The following HS6ST3 variants were observed in gnomAD, a reference collection of about 807,000 sequenced individuals.
The protein encoded by HS6ST3 is heparan sulfate 6-O-sulfotransferase 3, also known as heparan-sulfate 6-O-sulfotransferase 3.
A neutral mutation model predicts 36.7 loss-of-function variants in HS6ST3; 12 were observed. The observed-to-expected ratio is 0.33, with a 90% CI of 0.21 to 0.53. HS6ST3 has a LOEUF of 0.53. HS6ST3 is among the 20% of genes least tolerant of loss of function. The pLI is 0.95. For synonymous variants in HS6ST3, 240 were observed against 257.5 expected, an observed-to-expected ratio of 0.93 and a Z score of 0.65; for missense variants, 584 against 640.9, an observed-to-expected ratio of 0.91 and a Z score of 0.96.
Position 96,369,444 on chromosome 13 carries a change from C to T in HS6ST3, c.707+277875C>T, listed in dbSNP as rs148875545. ...GGTATTCTTAACAGCTGTCTGAGGA[C>T]ACCGTGTGAGTATAATTGGGGATCC... On this transcript the variant is annotated intron_variant, in intron 1 of 1. Transcript: ENST00000376705. Among the ~76,000 whole-genome samples, 5 of 152,298 alleles carry T rather than the reference C, an allele frequency of 3.3e-5. No homozygotes were observed. In the East Asian group the frequency reaches 9.7e-4, roughly 29 times the overall value.
At chr13:96,230,259 A>G (rs918888548) in intron 1 of HS6ST3, among the ~76,000 whole-genome samples, 1 of 152,150 alleles carries the variant, frequency 6.6e-6, no homozygotes, top group Non-Finnish European at 1.5e-5. Flanking sequence ...CAGGGAAACA[A>G]GAGCCCATCA....
intron 1 of HS6ST3, among the ~76,000 whole-genome samples, chr13:96,405,994 A>G (rs2055476519): frequency 1.3e-5 from 2 of 152,312 alleles, no homozygotes; most frequent in South Asian, 4.1e-4. Context: ...AAGACTTTGG[A>G]GAATGCTTTT....
intron 1 of HS6ST3, among the ~76,000 whole-genome samples, chr13:96,631,346 G>A (rs72643809): frequency 0.013 from 1,984 of 152,232 alleles, 18 homozygotes; most frequent in Non-Finnish European, 0.02. Context: ...GCAGCCTATG[G>A]TGCTGTTTAG....
intron 1 of HS6ST3, among the ~76,000 whole-genome samples, chr13:96,132,410 CTT>C (rs757928866): frequency 2.1e-5 from 3 of 143,982 alleles, no homozygotes; most frequent in African/African-American, 5.1e-5. Flanking sequence ...TTTTCTTTTT[CTT>C]TTTTTTTTTT....
chr13:96,447,845 G>C (rs1323700887), intron 1 of HS6ST3, among the ~76,000 whole-genome samples: 1 of 152,054 alleles, frequency 6.6e-6, no homozygotes, highest in African/African-American at 2.4e-5. Flanking sequence ...CTCTGTACAG[G>C]GAGCTTCTTC....
chr13:96,797,900 G>A (rs1036047947), intron 1 of HS6ST3, among the ~76,000 whole-genome samples: 17 of 151,992 alleles, frequency 1.1e-4, no homozygotes, highest in South Asian at 4.2e-4. Flanking sequence ...CAGATCCCAC[G>A]GGTTGAGGGC....
intron 1 of HS6ST3, among the ~76,000 whole-genome samples, chr13:96,701,147 C>A (rs1875274979): frequency 6.6e-6 from 1 of 152,198 alleles, no homozygotes; most frequent in Non-Finnish European, 1.5e-5. Flanking sequence ...ATTGATCTGT[C>A]AATCAAAATT....
At chr13:96,613,643 A>G (rs1249009800) in intron 1 of HS6ST3, among the ~76,000 whole-genome samples, 1 of 152,236 alleles carries the variant, frequency 6.6e-6, no homozygotes, top group African/African-American at 2.4e-5. Context: ...CCTTGTAAGA[A>G]TATCATTTAA....
chr13:96,468,182 T>C (rs532996110), intron 1 of HS6ST3, among the ~76,000 whole-genome samples: 2 of 152,310 alleles, frequency 1.3e-5, no homozygotes, highest in African/African-American at 4.8e-5. Flanking sequence ...GCTGTACATG[T>C]TCCCAAATAA....
rs911971949 is a variant in HS6ST3 at position 96,151,516 on chromosome 13, C to T, written c.707+59947C>T. Among the ~76,000 whole-genome samples the T allele has an allele frequency of 2.0e-5, 3 of 151,986 alleles. No individual in the cohort carries two copies. The East Asian group carries it at 5.8e-4, about 29-fold the overall frequency. ...TAGATGGATATACGCACAGTGTCAA[C>T]AGTGGTTATCTTTTGGTGGAGAGAT... is the stretch of plus-strand genomic sequence containing the variant. On this transcript the variant is annotated intron_variant, in intron 1 of 1. Coordinates refer to ENST00000376705, the MANE Select transcript of HS6ST3 (RefSeq NM_153456.4).
chr13:96,143,789 T>C (rs2054043354), intron 1 of HS6ST3, among the ~76,000 whole-genome samples: 2 of 152,150 alleles, frequency 1.3e-5, no homozygotes, highest in African/African-American at 4.8e-5. Flanking sequence ...TTTCTCTGGC[T>C]ACTGTCTACC....
At chr13:96,670,028 A>G (rs997418995) in intron 1 of HS6ST3, among the ~76,000 whole-genome samples, 3 of 152,174 alleles carry the variant, frequency 2.0e-5, no homozygotes, top group African/African-American at 4.8e-5. Context: ...CCTAAGGAGT[A>G]AATGTAAAAA....
At chr13:96,537,266 C>T (rs999254214) in intron 1 of HS6ST3, among the ~76,000 whole-genome samples, 3 of 152,156 alleles carry the variant, frequency 2.0e-5, no homozygotes, top group Non-Finnish European at 2.9e-5. Flanking sequence ...TGAGACTTAA[C>T]TACCACGAGA....
At position 96,835,038 on chromosome 13, in the gene HS6ST3, C is replaced by T. The variant is rs2138552848; in HGVS notation, c.*1840C>T. The T allele has an allele frequency of 6.6e-6, 1 of 152,188 alleles. No individual in the cohort carries two copies. Among genetic ancestry groups the T allele is most frequent in the South Asian group, 2.1e-4 (1 of 4,808 alleles). 9.4% of individuals were successfully genotyped at this position (152,188 alleles called of 1,614,324 possible). A position where few individuals can be genotyped will look rare whatever the true frequency, so the allele number is the denominator to read the frequency against. On this transcript the variant is annotated 3_prime_UTR_variant, in exon 2 of 2. Transcript: ENST00000376705. ...ATTTCATAGATGAAAATAGTGAAGC[C>T]CACAGAAAATAAGTAGCTCCTCCAC...
intron 1 of HS6ST3, among the ~76,000 whole-genome samples, chr13:96,170,328 G>C (rs75374972): frequency 2.0e-5 from 3 of 152,178 alleles, no homozygotes; most frequent in Non-Finnish European, 4.4e-5. Context: ...TTAAGGTGAC[G>C]CAGTTAATAA....
At chr13:96,655,116 A>G (rs2056620258) in intron 1 of HS6ST3, among the ~76,000 whole-genome samples, 1 of 152,128 alleles carries the variant, frequency 6.6e-6, no homozygotes. Context: ...GGCATTGTTA[A>G]GTTTATATTT....
chr13:96,815,648 A>T (rs984924507), intron 1 of HS6ST3, among the ~76,000 whole-genome samples: 1 of 152,088 alleles, frequency 6.6e-6, no homozygotes, highest in Non-Finnish European at 1.5e-5. Flanking sequence ...TTCTTTAGAG[A>T]GCAGTTGTCT....
At chr13:96,305,886 A>C in intron 1 of HS6ST3, among the ~76,000 whole-genome samples, 1 of 123,646 alleles carries the variant, frequency 8.1e-6, no homozygotes, top group Non-Finnish European at 1.7e-5. Flanking sequence ...TTCATGGTTC[A>C]TTTCTATTAA....
chr13:96,474,740 T>C (rs2055855457), intron 1 of HS6ST3, among the ~76,000 whole-genome samples: 1 of 152,158 alleles, frequency 6.6e-6, no homozygotes, highest in South Asian at 2.1e-4. Context: ...CCAGGGAGGC[T>C]TGTTCAACTT....
Sources: gnomAD v4.1 joint callset for allele counts (sites outside exome capture counted in the v4.1 genomes callset) on GRCh38, gnomAD v4.1.1 for gene constraint, MANE v1.5 for transcripts, NCBI Gene and HGNC (gene_info 2026-07-23, HGNC 2026-07-21) for gene names.